Variants in CDC42EP1 observed in about 807,000 individuals in gnomAD.
The protein encoded by CDC42EP1 is CDC42 effector protein 1, also known as 55 kDa bone marrow stromal/endothelial cell protein.
In CDC42EP1, 6 loss-of-function variants were observed where a neutral mutation model predicts 7.4. That is an observed-to-expected ratio of 0.81 (90% CI 0.44 to 1.60). The LOEUF (loss-of-function observed/expected upper bound fraction) is 1.60, where lower values mean the gene tolerates loss of function less well. CDC42EP1 is among the 40% of genes most tolerant of loss of function. The pLI is 0.01. For synonymous variants in CDC42EP1, 238 were observed against 227.1 expected, an observed-to-expected ratio of 1.05 and a Z score of -0.43; for missense variants, 567 against 539.0, an observed-to-expected ratio of 1.05 and a Z score of -0.51.
rs773314401 is a variant in CDC42EP1 at position 37,568,440 on chromosome 22, C to G, written c.796C>G (p.Pro266Ala). 6.3e-7 allele frequency: 1 copy of G among 1,585,718 alleles called. No homozygotes were observed. Among genetic ancestry groups the G allele is most frequent in the East Asian group, 2.3e-5 (1 of 44,084 alleles). The stretch of plus-strand genomic sequence containing the variant: ...AAACCCCTCAGCACCTGCCGCAACC[C>G]CCACGGGTCCTGCTGCAAATCCCCC... Reference protein sequence around the residue: ...AANPSAPAATPTGPAANPPAP... With the variant: ...AANPSAPAATATGPAANPPAP... The change falls in exon 3 of 3, where the codon CCC (proline) becomes GCC (alanine). Residue 266 changes from proline to alanine, a missense_variant. Transcript: ENST00000249014.
chr22:37,562,064 A>C (rs927145096), intron 1 of CDC42EP1, among the ~76,000 whole-genome samples: 10 of 152,316 alleles, frequency 6.6e-5, no homozygotes, highest in Non-Finnish European at 1.0e-4. Context: ...GGTCACAGGC[A>C]GTGAATCTGC....
At chr22:37,564,083 A>G (rs1488211179) in intron 1 of CDC42EP1, among the ~76,000 whole-genome samples, 4 of 152,198 alleles carry the variant, frequency 2.6e-5, no homozygotes, top group African/African-American at 7.2e-5. Flanking sequence ...TCAAGTCTCA[A>G]CTAGCTCTGT....
intron 1 of CDC42EP1, 104 bp downstream of exon 1, chr22:37,560,692 C>A (rs1037731730): frequency 6.6e-6 from 1 of 151,280 alleles, no homozygotes; most frequent in Non-Finnish European, 1.5e-5. Flanking sequence ...GGGGCCGGAA[C>A]GGGGACGGGA....
In CDC42EP1 at chr22:37,568,748, A is replaced by G. The variant is rs367893974; in HGVS notation, c.1104A>G (p.Pro368=). The change falls in exon 3 of 3, where the codon CCA becomes CCG. Residue 368 remains proline, a synonymous_variant. Transcript: ENST00000249014. ...WRAPQAGSRT[P]VPSTVQANTF... is the part of the protein sequence containing the mutation. ...CGCCCCAGGCAGGCAGCAGGACCCC[A>G]GTGCCCAGCACAGTGCAAGCAAACA... is the stretch of plus-strand genomic sequence containing the variant. 2.0e-5 allele frequency: 30 copies of G among 1,522,978 alleles called. 1 individual carries two copies. Among genetic ancestry groups the G allele is most frequent in the Non-Finnish European group, 2.4e-5 (27 of 1,136,852 alleles). 94.3% of individuals were successfully genotyped at this position (1,522,978 alleles called of 1,614,324 possible).
chr22:37,568,650 G>A lies in CDC42EP1; in HGVS notation c.1006G>A (p.Ala336Thr). 1 of 1,572,172 alleles carries A rather than the reference G, an allele frequency of 6.4e-7. No homozygotes were observed. ...DGGHHYPEMD[A>T]RQERVEVLPQ... ...CGGCCACCACTACCCAGAGATGGAT[G>A]CGCGGCAGGAGCGGGTGGAGGTGCT... is the stretch of plus-strand genomic sequence containing the variant. The change falls in exon 3 of 3, where the codon GCG (alanine) becomes ACG (threonine). Residue 336 changes from alanine to threonine, a missense_variant. Physicochemically the swap from Ala to Thr is moderately conservative, Grantham distance 58. Transcript: ENST00000249014.
At chr22:37,565,567 G>GTTTTTTTT (rs10588992) in intron 1 of CDC42EP1, 1 of 80,920 alleles carries the variant, frequency 1.2e-5, no homozygotes, top group Non-Finnish European at 2.3e-5. Flanking sequence ...GAACTTCCTT[G>GTTTTTTTT]TTTTTTTTTT....
At position 37,566,354 on chromosome 22, in the gene CDC42EP1, C is replaced by A; in HGVS notation, c.5C>A (p.Pro2His). M[P>H]GPQGGRGAAT... ...AGCTGTGAGCAGCCAGAGCTGATGC[C>A]CGGCCCCCAGGGGGGCAGAGGCGCC... Residue 2 changes from proline (P) to histidine (H), a missense_variant, in exon 2 of 3, where the codon CCC becomes CAC. By Grantham distance (77) the Pro-to-His change is moderately conservative (BLOSUM62 -2). Transcript: ENST00000249014. This position sits in a 1 kb window ranked among gnomAD's most constrained non-coding sequence, Gnocchi z 6.4. 6.7e-7 allele frequency: 1 copy of A among 1,502,502 alleles called. No individual in the cohort carries two copies. Among genetic ancestry groups the A allele is most frequent in the Non-Finnish European group, 8.9e-7 (1 of 1,121,510 alleles). The allele number at this position is 1,502,502 out of a possible 1,614,324, so 93.1% of individuals were successfully genotyped here.
At chr22:37,567,623 G>C (rs897280427) in intron 2 of CDC42EP1, among the ~76,000 whole-genome samples, 1 of 152,206 alleles carries the variant, frequency 6.6e-6, no homozygotes, top group Non-Finnish European at 1.5e-5. Flanking sequence ...GCAGGGGCTG[G>C]ACATGTCTGT....
chr22:37,564,992 C>G (rs375269528), intron 1 of CDC42EP1, among the ~76,000 whole-genome samples: 1 of 152,086 alleles, frequency 6.6e-6, no homozygotes. Context: ...GTTGGCCAGG[C>G]TGGTCTCTAA....
intron 1 of CDC42EP1, among the ~76,000 whole-genome samples, chr22:37,563,987 A>C (rs1925136418): frequency 1.3e-5 from 2 of 152,074 alleles, no homozygotes; most frequent in South Asian, 4.2e-4. Context: ...CGGCCTCCCC[A>C]CCCTCCAAGT....
intron 1 of CDC42EP1, among the ~76,000 whole-genome samples, chr22:37,561,400 G>T (rs1485260683): frequency 6.6e-6 from 1 of 152,332 alleles, no homozygotes; most frequent in South Asian, 2.1e-4. Flanking sequence ...CTCGGTCCCG[G>T]GCTGGTTCGG....
chr22:37,567,358 T>C (rs1339005476), intron 2 of CDC42EP1, among the ~76,000 whole-genome samples: 1 of 152,124 alleles, frequency 6.6e-6, no homozygotes, highest in Non-Finnish European at 1.5e-5. Flanking sequence ...CTGAACTTGG[T>C]TTCCTGTAAC....
rs766564681 is a variant in CDC42EP1 at position 37,568,834 on chromosome 22, G to A, written c.*14G>A. 52 of 1,444,076 alleles carry A rather than the reference G, an allele frequency of 3.6e-5. No individual in the cohort carries two copies. The highest frequency in any genetic ancestry group is 2.2e-4 in the East Asian group (9 of 40,902). The allele number at this position is 1,444,076 out of a possible 1,614,324, so 89.5% of individuals were successfully genotyped here. On this transcript the variant is annotated 3_prime_UTR_variant, in exon 3 of 3. Transcript: ENST00000249014. ...GTCAAGGTGTGAGGGGCTGGGGCAC[G>A]GTCCCAGGGCCCCACCTAGGTGCAG...
intron 1 of CDC42EP1, chr22:37,564,652 G>A (rs567314261): frequency 6.6e-6 from 1 of 152,626 alleles, no homozygotes; most frequent in East Asian, 1.9e-4. Flanking sequence ...GTAGCCTGGG[G>A]CTCCAGGGCT....
chr22:37,568,913 C>A lies in CDC42EP1; in HGVS notation c.*93C>A. 1 of 847,326 alleles carries A rather than the reference C, an allele frequency of 1.2e-6. No homozygotes were observed. The highest frequency in any genetic ancestry group is 1.7e-6 in the Non-Finnish European group (1 of 593,122). 52.5% of individuals were successfully genotyped at this position (847,326 alleles called of 1,614,324 possible). A position where few individuals can be genotyped will look rare whatever the true frequency, so the allele number is the denominator to read the frequency against. On this transcript the variant is annotated 3_prime_UTR_variant, in exon 3 of 3. Coordinates refer to ENST00000249014, the MANE Select transcript of CDC42EP1 (RefSeq NM_152243.3). ...CTACCAGACCGGAGAGGGGAGAAGT[C>A]ATGTTGCCCCTAAACCCCTCCCCAC...
chr22:37,565,357 T>G (rs1468209248), intron 1 of CDC42EP1, among the ~76,000 whole-genome samples: 1 of 151,680 alleles, frequency 6.6e-6, no homozygotes, highest in Non-Finnish European at 1.5e-5. Flanking sequence ...CCAACTAATT[T>G]TTTTAAAATT....
At chr22:37,568,078 C>T (rs1569180162) in intron 2 of CDC42EP1, 30 bp from the exon 3 acceptor site, 2 of 1,574,466 alleles carry the variant, frequency 1.3e-6, no homozygotes, top group Non-Finnish European at 8.7e-7. Context: ...GGGACCCCAG[C>T]TCTGAGCCCA....
At chr22:37,563,126 A>T (rs979996125) in intron 1 of CDC42EP1, among the ~76,000 whole-genome samples, 2 of 151,502 alleles carry the variant, frequency 1.3e-5, no homozygotes, top group Non-Finnish European at 2.9e-5. Flanking sequence ...AAAAAAAAAA[A>T]GTCAGGGAGC....
At position 37,566,184 on chromosome 22, in the gene CDC42EP1, G is replaced by A. The variant is rs1409480429; in HGVS notation, c.-166G>A. The A allele has an allele frequency of 1.0e-5, 5 of 480,042 alleles. No homozygotes were observed. Among genetic ancestry groups the A allele is most frequent in the Admixed American group, 4.0e-5 (1 of 24,926 alleles). The allele number at this position is 480,042 out of a possible 1,614,324, so 29.7% of individuals were successfully genotyped here. A position where few individuals can be genotyped will look rare whatever the true frequency, so the allele number is the denominator to read the frequency against. On this transcript the variant is annotated 5_prime_UTR_variant, in exon 2 of 3. Coordinates refer to ENST00000249014, the MANE Select transcript of CDC42EP1 (RefSeq NM_152243.3). The surrounding 1 kb of genome is among the most constrained non-coding windows in gnomAD (Gnocchi z 6.4). The stretch of plus-strand genomic sequence containing the variant: ...GGAGCCGGGCCCCTGGGAGAGACGA[G>A]CCATGAACCCCCCACAGCCTCTGCA...
Sources: gnomAD v4.1 joint callset for allele counts (sites outside exome capture counted in the v4.1 genomes callset) on GRCh38, gnomAD v4.1.1 for gene constraint, Gnocchi (gnomAD v3.1) non-coding constraint, MANE v1.5 for transcripts, NCBI Gene and HGNC (gene_info 2026-07-23, HGNC 2026-07-21) for gene names.